The following PTPRM variants were observed in gnomAD, a reference collection of about 807,000 sequenced individuals.
The protein encoded by PTPRM is receptor-type tyrosine-protein phosphatase mu.
In PTPRM, 47 loss-of-function variants were observed where a neutral mutation model predicts 186.7. The observed-to-expected ratio is 0.25, with a 90% CI of 0.20 to 0.32. PTPRM has a LOEUF of 0.32. PTPRM is among the 10% of genes least tolerant of loss of function. The pLI is 1.00. For synonymous variants in PTPRM, 668 were observed against 674.9 expected (o/e 0.99, Z 0.16); for missense variants, 1,494 against 1,865.0 (o/e 0.80, Z 3.66).
chr18:7,668,394 A>C lies in PTPRM; in HGVS notation c.73+100503A>C, dbSNP rs2039144958. Among the ~76,000 whole-genome samples the C allele has an allele frequency of 6.6e-6, 1 of 152,216 alleles. No individual in the cohort carries two copies. Among genetic ancestry groups the C allele is most frequent in the Non-Finnish European group, 1.5e-5 (1 of 68,048 alleles). ...ATCTTTGTCTTGTTTGTTATTATGTAGCTCTCAGCTGCAACGGTATTTAAC... is the reference window on the plus strand; with the variant it reads ...ATCTTTGTCTTGTTTGTTATTATGTCGCTCTCAGCTGCAACGGTATTTAAC... On this transcript the variant is annotated intron_variant, in intron 1 of 32. Transcript: ENST00000580170. The surrounding 1 kb of genome is among the most constrained non-coding windows in gnomAD (Gnocchi z 4.7).
rs965841229 is a variant in PTPRM at position 8,278,713 on chromosome 18, A to C, written c.2755-17655A>C. ...GAGCATCCTTGTGAACCCAGAATCT[A>C]TCTCTCACATGTGTGGGGTACAGAG... On this transcript the variant is annotated intron_variant, in intron 19 of 32. Coordinates refer to ENST00000580170, the MANE Select transcript of PTPRM (RefSeq NM_001105244.2). Among the ~76,000 whole-genome samples the C allele has an allele frequency of 4.6e-5, 7 of 152,178 alleles. No individual in the cohort carries two copies. The East Asian group carries it at 7.7e-4, about 17-fold the overall frequency.
chr18:7,582,418 C>T (rs1191430089), intron 1 of PTPRM, among the ~76,000 whole-genome samples: 3 of 152,200 alleles, frequency 2.0e-5, no homozygotes, highest in Non-Finnish European at 4.4e-5. Flanking sequence ...ACCAAGACTT[C>T]TGGGCTAATG....
intron 3 of PTPRM, among the ~76,000 whole-genome samples, chr18:7,905,436 G>A (rs1157278375): frequency 6.6e-6 from 1 of 152,174 alleles, no homozygotes; most frequent in Admixed American, 6.5e-5. Flanking sequence ...ACGCCCTCTT[G>A]ATTTTGCCAC....
intron 19 of PTPRM, among the ~76,000 whole-genome samples, chr18:8,260,488 G>T (rs908620404): frequency 1.1e-4 from 17 of 152,066 alleles, no homozygotes; most frequent in Non-Finnish European, 2.1e-4. Flanking sequence ...TGCTCTTGTG[G>T]TAACTAAGCC....
At chr18:8,336,836 G>C (rs1045827046) in intron 22 of PTPRM, among the ~76,000 whole-genome samples, 6 of 151,820 alleles carry the variant, frequency 4.0e-5, no homozygotes, top group African/African-American at 1.5e-4. Flanking sequence ...AATTAGCTGG[G>C]TGTGGTGGTG....
intron 2 of PTPRM, among the ~76,000 whole-genome samples, chr18:7,869,665 G>GC (rs2047890844): frequency 6.6e-6 from 1 of 152,128 alleles, no homozygotes; most frequent in African/African-American, 2.4e-5. Context: ...CCATCGATCA[G>GC]TTTTTTAGAT....
rs1282792151 is a variant in PTPRM, at chr18:7,999,851, A to G, written c.1132+44437A>G. Among the ~76,000 whole-genome samples the G allele has an allele frequency of 2.0e-5, 3 of 152,090 alleles. No homozygotes were observed. The East Asian group carries it at 5.9e-4, about 30-fold the overall frequency. On this transcript the variant is annotated intron_variant, in intron 7 of 32. Transcript: ENST00000580170. ...TATTATAAGGAATTGGCCCACATGTATGGAGGCTGGCAAGTCCCAAGATCT... is the reference window on the plus strand; with the variant it reads ...TATTATAAGGAATTGGCCCACATGTGTGGAGGCTGGCAAGTCCCAAGATCT...
chr18:8,285,553 G>A (rs576848848), intron 19 of PTPRM, among the ~76,000 whole-genome samples: 1 of 152,216 alleles, frequency 6.6e-6, no homozygotes, highest in African/African-American at 2.4e-5. Context: ...AGGGAACCTT[G>A]GTTTGAGGCA....
intron 7 of PTPRM, among the ~76,000 whole-genome samples, chr18:8,019,581 C>CTTCTT (rs879427110): frequency 2.0e-5 from 3 of 151,578 alleles, no homozygotes; most frequent in African/African-American, 4.8e-5. Context: ...TTTCCTCCTA[C>CTTCTT]TTCTTTTCTT....
At chr18:7,581,259 G>A (rs1364591702) in intron 1 of PTPRM, among the ~76,000 whole-genome samples, 2 of 152,154 alleles carry the variant, frequency 1.3e-5, no homozygotes, top group African/African-American at 4.8e-5. Context: ...TCTATGTGAT[G>A]TTTCTAAGGA....
At chr18:8,244,301 T>C in intron 15 of PTPRM, 92 bp downstream of exon 15, 1 of 1,200,862 alleles carries the variant, frequency 8.3e-7, no homozygotes, top group Non-Finnish European at 1.1e-6. Context: ...AAAAAAAGCT[T>C]CCTGAAGAAA....
chr18:7,596,159 A>G (rs2037253065), intron 1 of PTPRM, among the ~76,000 whole-genome samples: 1 of 152,120 alleles, frequency 6.6e-6, no homozygotes, highest in East Asian at 1.9e-4. Context: ...GAAGTGAAAT[A>G]TGTGAGTGAC....
intron 11 of PTPRM, among the ~76,000 whole-genome samples, chr18:8,096,144 TA>T (rs1160604160): frequency 2.6e-5 from 4 of 152,182 alleles, no homozygotes; most frequent in Admixed American, 6.5e-5. Context: ...CACCTCTGGT[TA>T]CTAAAAGCTA....
intron 1 of PTPRM, among the ~76,000 whole-genome samples, chr18:7,764,481 C>T (rs1197571186): frequency 1.3e-5 from 2 of 152,056 alleles, no homozygotes; most frequent in African/African-American, 4.8e-5. Context: ...ATTCTGGGAC[C>T]TTTTTTTAAA....
chr18:7,711,447 A>G (rs1411091284), intron 1 of PTPRM, among the ~76,000 whole-genome samples: 1 of 152,098 alleles, frequency 6.6e-6, no homozygotes, highest in Admixed American at 6.6e-5. Flanking sequence ...ATTTTTTTTC[A>G]TGCCACAGTG....
intron 13 of PTPRM, among the ~76,000 whole-genome samples, chr18:8,115,293 T>C (rs2091913626): frequency 6.6e-6 from 1 of 152,126 alleles, no homozygotes. Flanking sequence ...GGTGCGTGTC[T>C]CTCTGAACCT....
At chr18:8,085,141 T>C (rs922153703) in intron 9 of PTPRM, among the ~76,000 whole-genome samples, 4 of 152,106 alleles carry the variant, frequency 2.6e-5, no homozygotes, top group African/African-American at 7.2e-5. Flanking sequence ...TGACCCATAA[T>C]GATCACTCTA....
intron 13 of PTPRM, among the ~76,000 whole-genome samples, chr18:8,116,554 A>G (rs1020634046): frequency 1.3e-5 from 2 of 152,112 alleles, no homozygotes; most frequent in Non-Finnish European, 2.9e-5. Context: ...CAGTGACAGT[A>G]TTGTGTAGTG....
At chr18:8,203,717 G>T (rs995255320) in intron 14 of PTPRM, among the ~76,000 whole-genome samples, 9 of 152,228 alleles carry the variant, frequency 5.9e-5, no homozygotes, top group South Asian at 2.1e-4. Flanking sequence ...GTGTATATAT[G>T]TATGTATGTC....
Sources: allele counts gnomAD v4.1 joint callset (sites outside exome capture counted in the v4.1 genomes callset), GRCh38; gene constraint gnomAD v4.1.1; non-coding constraint Gnocchi (gnomAD v3.1); transcripts MANE v1.5; gene names NCBI Gene and HGNC (gene_info 2026-07-23, HGNC 2026-07-21).